IDO2: variants seen among roughly 807,000 people sequenced by gnomAD.
IDO2 encodes the protein indoleamine 2,3-dioxygenase-like 1 protein.
IDO2 carries 46 observed loss-of-function variants against 45.1 expected under a neutral mutation model. That is an observed-to-expected ratio of 1.02 (90% CI 0.80 to 1.30). The LOEUF (loss-of-function observed/expected upper bound fraction) is 1.30. Among genes scored for constraint, IDO2 ranks in the 50% most tolerant of loss-of-function variants. The pLI is 0.00. For synonymous variants in IDO2, 218 were observed against 184.9 expected, an observed-to-expected ratio of 1.18 and a Z score of -1.45; for missense variants, 544 against 491.8, an observed-to-expected ratio of 1.11 and a Z score of -1.00.
intron 1 of IDO2, among the ~76,000 whole-genome samples, chr8:39,947,532 CT>C (rs1392330805): frequency 6.6e-6 from 1 of 152,160 alleles, no homozygotes; most frequent in Non-Finnish European, 1.5e-5. Context: ...TTCCTCCTTC[CT>C]TTGTTCTCCT....
intron 3 of IDO2, among the ~76,000 whole-genome samples, chr8:39,971,100 C>T (rs1472381341): frequency 6.6e-6 from 1 of 152,270 alleles, no homozygotes; most frequent in Admixed American, 6.5e-5. Context: ...CAATGCCTAG[C>T]TTGAAAGGAC....
intron 3 of IDO2, among the ~76,000 whole-genome samples, chr8:39,970,700 A>T (rs2129594076): frequency 6.6e-6 from 1 of 150,940 alleles, no homozygotes; most frequent in Non-Finnish European, 1.5e-5. Context: ...CAGTGGCTAC[A>T]TTTAAAAATA....
Position 39,997,096 on chromosome 8 carries a change from T to C in IDO2, c.667+7258T>C, listed in dbSNP as rs191134153. On this transcript the variant is annotated intron_variant, in intron 8 of 10. Transcript: ENST00000502986. ...AATGCTAAAACTCTAGCTAAACTAT[T>C]ATGCAAGATATACAACCAAGACAAA... Among the ~76,000 whole-genome samples, 173 of 152,304 alleles carry C rather than the reference T, an allele frequency of 1.1e-3. 4 individuals are homozygous for C. The highest frequency in any genetic ancestry group is 9.1e-3 in the East Asian group (47 of 5,186).
chr8:39,987,434 C>T (rs1237633849), intron 6 of IDO2: 1 of 157,208 alleles, frequency 6.4e-6, no homozygotes, highest in Non-Finnish European at 1.4e-5. Flanking sequence ...CAGCCTGGTC[C>T]TGCGATTAGC....
exon 11 of IDO2, chr8:40,015,340 T>A (rs1261720445): frequency 1.9e-6 from 3 of 1,613,834 alleles, no homozygotes; most frequent in Non-Finnish European, 2.5e-6. Flanking sequence ...AGGGACTACA[T>A]CCTGTCATCT....
At chr8:40,011,121 G>C (rs1802303727) in intron 9 of IDO2, among the ~76,000 whole-genome samples, 1 of 152,144 alleles carries the variant, frequency 6.6e-6, no homozygotes, top group African/African-American at 2.4e-5. Flanking sequence ...ATGTTGACCA[G>C]GCTGGTGTCA....
chr8:39,991,323 A>G (rs554615824), intron 8 of IDO2, among the ~76,000 whole-genome samples: 17 of 152,282 alleles, frequency 1.1e-4, no homozygotes, highest in African/African-American at 3.8e-4. Flanking sequence ...TGGCTTTGCC[A>G]AGCTGAAATG....
At chr8:39,971,077 G>C (rs1431750948) in intron 3 of IDO2, among the ~76,000 whole-genome samples, 1 of 152,092 alleles carries the variant, frequency 6.6e-6, no homozygotes, top group African/African-American at 2.4e-5. Flanking sequence ...GACTTTCATA[G>C]TTAGAAAAAA....
exon 4 of IDO2, chr8:39,979,176 A>G: frequency 6.3e-7 from 1 of 1,587,600 alleles, no homozygotes; most frequent in Non-Finnish European, 8.6e-7. Context: ...GGAGAGGCGC[A>G]GCCTGCAGAG....
chr8:39,986,779 G>A (rs953397358), intron 6 of IDO2: 1 of 152,024 alleles, frequency 6.6e-6, no homozygotes, highest in African/African-American at 2.4e-5. Context: ...CCACATGTCA[G>A]GAGAGGGATC....
rs193244948 is a variant in IDO2, at chr8:40,012,629, A to G, written c.720-936A>G. On this transcript the variant is annotated intron_variant, in intron 9 of 10. Transcript: ENST00000502986. ...CCACAAACTGTGATTGTTCAAGACT[A>G]TGCAAAGTCAGACACAGGAAAATAA... Among the ~76,000 whole-genome samples the G allele has an allele frequency of 1.3e-3, 193 of 152,332 alleles. 2 individuals carry two copies. Among genetic ancestry groups the G allele is most frequent in the South Asian group, 5.4e-3 (26 of 4,832 alleles).
chr8:40,001,829 C>T (rs1802142280), intron 8 of IDO2, among the ~76,000 whole-genome samples: 1 of 151,990 alleles, frequency 6.6e-6, no homozygotes, highest in Non-Finnish European at 1.5e-5. Flanking sequence ...TTTTGTTGTC[C>T]AGGCTGGAGT....
chr8:39,940,208 T>C (rs544960044), intron 1 of IDO2, among the ~76,000 whole-genome samples: 19 of 152,138 alleles, frequency 1.2e-4, no homozygotes, highest in Middle Eastern at 3.4e-3. Context: ...GGGCTGGGAG[T>C]AAAGCAGCGT....
At chr8:39,949,238 T>C (rs374783965) in exon 2 of IDO2, 4 of 1,599,086 alleles carry the variant, frequency 2.5e-6, no homozygotes, top group Middle Eastern at 1.6e-4. Context: ...ATCTGAAGAG[T>C]ATGGCTTTCT....
At chr8:40,004,863 G>A (rs962155170) in intron 8 of IDO2, among the ~76,000 whole-genome samples, 1 of 152,224 alleles carries the variant, frequency 6.6e-6, no homozygotes, top group Non-Finnish European at 1.5e-5. Flanking sequence ...GGCAATCCCT[G>A]GGCAAGGGAC....
chr8:39,976,883 GTCA>G (rs1808267226), intron 3 of IDO2, among the ~76,000 whole-genome samples: 1 of 152,070 alleles, frequency 6.6e-6, no homozygotes, highest in African/African-American at 2.4e-5. Context: ...TAATACACCT[GTCA>G]TCAGGGACAA....
intron 8 of IDO2, among the ~76,000 whole-genome samples, chr8:40,004,489 C>T (rs1406587892): frequency 2.7e-5 from 4 of 150,792 alleles, no homozygotes; most frequent in African/African-American, 9.8e-5. Flanking sequence ...GTTATTTAGG[C>T]CTCACATAAA....
At chr8:39,961,756 C>G (rs142333291) in intron 2 of IDO2, among the ~76,000 whole-genome samples, 73 of 152,280 alleles carry the variant, frequency 4.8e-4, no homozygotes, top group African/African-American at 1.8e-3. Context: ...CCACCTTTAT[C>G]CCCACTCTTT....
intron 3 of IDO2, among the ~76,000 whole-genome samples, chr8:39,965,224 G>C (rs998428934): frequency 5.9e-5 from 9 of 152,144 alleles, no homozygotes; most frequent in Non-Finnish European, 1.0e-4. Flanking sequence ...GGTGGCTCAC[G>C]CCTGTAATCC....
Sources: allele counts gnomAD v4.1 joint callset (sites outside exome capture counted in the v4.1 genomes callset), GRCh38; gene constraint gnomAD v4.1.1; transcripts MANE v1.5; gene names NCBI Gene and HGNC (gene_info 2026-07-23, HGNC 2026-07-21).